Variants in ZBTB17 observed in about 807,000 individuals in gnomAD.
ZBTB17 encodes the protein zinc finger and BTB domain-containing protein 17.
Under a neutral mutation model 85.1 loss-of-function variants are expected in ZBTB17, and 24 were observed. The ratio of observed to expected loss-of-function variants is 0.28; its 90% confidence interval spans 0.20 to 0.40. The LOEUF (loss-of-function observed/expected upper bound fraction) is 0.40, where lower values mean the gene tolerates loss of function less well. ZBTB17 is among the 10% of genes least tolerant of loss of function. The pLI is 1.00. For synonymous variants in ZBTB17, 464 were observed against 460.2 expected (o/e 1.01, Z -0.11); for missense variants, 743 against 1,105.1 (o/e 0.67, Z 4.65).
intron 1 of ZBTB17, among the ~76,000 whole-genome samples, chr1:15,974,846 G>C (rs1247577357): frequency 3.3e-5 from 5 of 152,236 alleles, no homozygotes; most frequent in Non-Finnish European, 2.9e-5. Flanking sequence ...AAAGTGCTGA[G>C]ATTACAAGCG....
chr1:15,971,551 TATATATATAC>T (rs2072683374), intron 2 of ZBTB17, among the ~76,000 whole-genome samples: 1 of 72,856 alleles, frequency 1.4e-5, no homozygotes, highest in African/African-American at 6.4e-5. Flanking sequence ...ACACACACAC[TATATATATAC>T]ACACACACTA....
At chr1:15,970,043 G>A (rs748510104) in intron 2 of ZBTB17, 23 of 706,216 alleles carry the variant, frequency 3.3e-5, no homozygotes, top group Admixed American at 2.2e-4. Flanking sequence ...TATGGCTGCC[G>A]TCATATTTCC....
chr1:15,942,904 A>G (rs922956728), intron 13 of ZBTB17, 160 bp downstream of exon 13: 6 of 1,343,630 alleles, frequency 4.5e-6, no homozygotes, highest in Middle Eastern at 5.1e-4. Context: ...TGGAAGCTCT[A>G]GGAAAATGGG....
At chr1:15,956,167 C>T (rs1160028717) in intron 2 of ZBTB17, among the ~76,000 whole-genome samples, 2 of 152,238 alleles carry the variant, frequency 1.3e-5, no homozygotes, top group African/African-American at 4.8e-5. Context: ...CCAAGGCACA[C>T]ACACCCATCA....
At chr1:15,943,347 G>T in intron 12 of ZBTB17, 52 bp downstream of exon 12, 1 of 1,581,012 alleles carries the variant, frequency 6.3e-7, no homozygotes. Context: ...TGTCTTCTGA[G>T]CCCCCTCACT....
rs1557800145 is a variant in ZBTB17, at chr1:15,971,540, TACACACACACTATATATATAC to T, written c.-3+1478_-3+1498del. On this transcript the variant is annotated intron_variant, in intron 2 of 15. Coordinates refer to ENST00000375743, the MANE Select transcript of ZBTB17 (RefSeq NM_003443.3). ...TATATATACACACACACTATATATA[TACACACACACTATATATATAC>T]ACACACACTATATATATATACACAC... Among the ~76,000 whole-genome samples, 15 of 141,234 alleles carry T rather than the reference TACACACACACTATATATATAC, an allele frequency of 1.1e-4. No homozygotes were observed. The South Asian group carries it at 1.8e-3, about 17-fold the overall frequency. The allele number at this position is 141,234 out of a possible 152,430, so 92.7% of individuals were successfully genotyped here.
At chr1:15,971,331 ATG>A (rs2072643511) in intron 2 of ZBTB17, among the ~76,000 whole-genome samples, 1 of 144,462 alleles carries the variant, frequency 6.9e-6, no homozygotes, top group South Asian at 2.2e-4. Context: ...GTATGTGTGT[ATG>A]TATATATATA....
intron 2 of ZBTB17, among the ~76,000 whole-genome samples, chr1:15,956,435 C>T (rs2072047278): frequency 6.6e-6 from 1 of 152,208 alleles, no homozygotes; most frequent in Admixed American, 6.5e-5. Context: ...CAAAGTATTT[C>T]CTAGACCCTT....
At chr1:15,967,911 C>T (rs1193909273) in intron 2 of ZBTB17, among the ~76,000 whole-genome samples, 1 of 152,194 alleles carries the variant, frequency 6.6e-6, no homozygotes, top group African/African-American at 2.4e-5. Flanking sequence ...GTTTGTGTTC[C>T]TAACTGCTAC....
chr1:15,944,468 G>A lies in ZBTB17; in HGVS notation c.1203C>T (p.Thr401=). Residue 401 remains threonine, a synonymous_variant, in exon 9 of 16, where the codon ACC becomes ACT. Coordinates refer to ENST00000375743, the MANE Select transcript of ZBTB17 (RefSeq NM_003443.3). ...GCTGGTGGCGCTTGAGGTTGCCCGA[G>A]GTGGTGAAGAGCTTGCCGCAGTCCT... ...RCEDCGKLFT[T]SGNLKRHQLV... 3 of 1,577,260 alleles carry A rather than the reference G, an allele frequency of 1.9e-6. No individual in the cohort carries two copies. The highest frequency in any genetic ancestry group is 2.3e-5 in the South Asian group (2 of 86,808).
chr1:15,946,361 G>T, intron 4 of ZBTB17, 67 bp from the exon 5 acceptor site: 1 of 1,572,668 alleles, frequency 6.4e-7, no homozygotes. Context: ...GTGTGAGGTG[G>T]CCCAGAACTT....
rs2071414291 is a variant in ZBTB17 at position 15,942,706 on chromosome 1, G to A, written c.1861C>T (p.Arg621Cys). 2 of 1,613,574 alleles carry A rather than the reference G, an allele frequency of 1.2e-6. No individual in the cohort carries two copies. The highest frequency in any genetic ancestry group is 1.7e-6 in the Non-Finnish European group (2 of 1,180,020). Residue 621 changes from arginine (R) to cysteine (C), a missense_variant, in exon 14 of 16, where the codon CGT becomes TGT. Transcript: ENST00000375743. ...AGGTTGTCTACCCGGTTGAAGCCAC[G>A]CCCACACTTATCACACAGGTAAGGC... ...EKPYLCDKCG[R>C]GFNRVDNLRS...
rs1041762979 is a variant in ZBTB17, at chr1:15,952,102, A to C, written c.-2-3605T>G. Among the ~76,000 whole-genome samples, 1 of 152,200 alleles carries C rather than the reference A, an allele frequency of 6.6e-6. No individual in the cohort carries two copies. Among genetic ancestry groups the C allele is most frequent in the Non-Finnish European group, 1.5e-5 (1 of 68,032 alleles). On this transcript the variant is annotated intron_variant, in intron 2 of 15. Transcript: ENST00000375743. The surrounding 1 kb of genome is among the most constrained non-coding windows in gnomAD (Gnocchi z 4.3). ...AAGCAACTTCTAAGGAAGATCCTAA[A>C]ACCTTAGAACCATAGAAAATGCCAA...
Position 15,945,858 on chromosome 1 carries a change from C to A in ZBTB17, c.536-18G>T. 1 of 1,584,208 alleles carries A rather than the reference C, an allele frequency of 6.3e-7. No individual in the cohort carries two copies. Among genetic ancestry groups the A allele is most frequent in the Non-Finnish European group, 8.6e-7 (1 of 1,169,448 alleles). On this transcript the variant is annotated intron_variant, in intron 5 of 15. Coordinates refer to ENST00000375743, the MANE Select transcript of ZBTB17 (RefSeq NM_003443.3). ...CTCTGCACCTGGGTGGGGGAAGCAC[C>A]GGAGGCTGGATTGCTACCCTCTGCC...
At position 15,946,228 on chromosome 1, in the gene ZBTB17, C is replaced by T. The variant is rs1383209475; in HGVS notation, c.461G>A (p.Gly154Glu). Residue 154 changes from glycine to glutamate, a missense_variant, in exon 5 of 16, where the codon GGA becomes GAA. Around this residue, in one of 4 missense-constraint regions of ZBTB17, gnomAD observed 279 missense variants for 269.9 expected, o/e 1.03. Transcript: ENST00000375743. ...TSTLSRLEQA[G>E]RSTPIGPSRD... ...GCTGGGGCCTATGGGTGTGCTGCGT[C>T]CTGCCTGCTCCAGCCTGCTCAGCGT... is the stretch of plus-strand genomic sequence containing the variant. The T allele has an allele frequency of 3.7e-6, 6 of 1,613,574 alleles. No individual in the cohort carries two copies. Among genetic ancestry groups the T allele is most frequent in the Non-Finnish European group, 5.1e-6 (6 of 1,180,016 alleles).
At position 15,941,911 on chromosome 1, in the gene ZBTB17, C is replaced by A; in HGVS notation, c.*58G>T. ...TTATTCTCTCTAGGGAACAGGCCAC[C>A]CTTCCCGGTTCCAGGGTGCCATCCA... On this transcript the variant is annotated 3_prime_UTR_variant, in exon 16 of 16. Coordinates refer to ENST00000375743, the MANE Select transcript of ZBTB17 (RefSeq NM_003443.3). 1.3e-6 allele frequency: 2 copies of A among 1,547,368 alleles called. No homozygotes were observed. The highest frequency in any genetic ancestry group is 1.7e-6 in the Non-Finnish European group (2 of 1,150,286).
At chr1:15,945,639 G>A (rs2071565678) in intron 6 of ZBTB17, 76 bp downstream of exon 6, 2 of 1,572,474 alleles carry the variant, frequency 1.3e-6, no homozygotes, top group African/African-American at 1.3e-5. Flanking sequence ...AGGAGAGGGA[G>A]GCCCCAGTGC....
intron 2 of ZBTB17, among the ~76,000 whole-genome samples, chr1:15,967,966 G>A (rs1012950257): frequency 3.3e-5 from 5 of 152,146 alleles, no homozygotes; most frequent in African/African-American, 1.2e-4. Flanking sequence ...TTTGTGCCAG[G>A]AGATATTTGG....
At chr1:15,956,943 C>T (rs983215806) in intron 2 of ZBTB17, among the ~76,000 whole-genome samples, 2 of 152,120 alleles carry the variant, frequency 1.3e-5, no homozygotes, top group South Asian at 2.1e-4. Context: ...CACTTTGGGA[C>T]GCTGAGGCGG....
Sources: gnomAD v4.1 joint callset for allele counts (sites outside exome capture counted in the v4.1 genomes callset) on GRCh38, gnomAD v4.1.1 for gene constraint, gnomAD v4.1.1 regional missense constraint, Gnocchi (gnomAD v3.1) non-coding constraint, MANE v1.5 for transcripts, NCBI Gene and HGNC (gene_info 2026-07-23, HGNC 2026-07-21) for gene names.